Variants in CAB39 observed in about 807,000 individuals in gnomAD.
CAB39 encodes the protein calcium binding protein 39.
In CAB39, 8 loss-of-function variants were observed where a neutral mutation model predicts 40.0. The ratio of observed to expected loss-of-function variants is 0.20; its 90% CI spans 0.12 to 0.36. CAB39 has a LOEUF of 0.36. CAB39 is among the 10% of genes least tolerant of loss of function. CAB39 has a pLI of 1.00. For missense variants in CAB39, 270 were observed against 401.1 expected (o/e 0.67, Z 2.79); for synonymous variants, 156 against 141.6 (o/e 1.10, Z -0.72).
At chr2:230,738,384 C>G (rs921779204) in intron 1 of CAB39, among the ~76,000 whole-genome samples, 1 of 152,230 alleles carries the variant, frequency 6.6e-6, no homozygotes, top group Non-Finnish European at 1.5e-5. Context: ...TATATTTGAT[C>G]ATACCAGTCA....
At chr2:230,719,481 A>G (rs1694408246) in intron 1 of CAB39, among the ~76,000 whole-genome samples, 1 of 152,266 alleles carries the variant, frequency 6.6e-6, no homozygotes, top group South Asian at 2.1e-4. Context: ...AGCAGTAACC[A>G]CATTACAATC....
intron 1 of CAB39, among the ~76,000 whole-genome samples, chr2:230,750,905 T>G (rs1190351164): frequency 6.6e-6 from 1 of 152,198 alleles, no homozygotes. Flanking sequence ...CATAACAAAG[T>G]CAGGATTTGA....
At position 230,819,688 on chromosome 2, in the gene CAB39, T is replaced by G. The variant is rs1412465427; in HGVS notation, c.*984T>G. 6.6e-6 allele frequency: 1 copy of G among 152,322 alleles called. No individual in the cohort carries two copies. Among genetic ancestry groups the G allele is most frequent in the Non-Finnish European group, 1.5e-5 (1 of 68,038 alleles). The allele number at this position is 152,322 out of a possible 1,614,324, so 9.4% of individuals were successfully genotyped here. A position where few individuals can be genotyped will look rare whatever the true frequency, so the allele number is the denominator to read the frequency against. On this transcript the variant is annotated 3_prime_UTR_variant, in exon 9 of 9. Transcript: ENST00000258418. Reference sequence around the variant, plus strand: ...AAAGAAAAAGAAAGTAAACCAGTCCTTTGTATTCAGTTACCTAATGGGGTG... The same window carrying G: ...AAAGAAAAAGAAAGTAAACCAGTCCGTTGTATTCAGTTACCTAATGGGGTG...
intron 8 of CAB39, chr2:230,818,226 G>A: frequency 2.3e-6 from 1 of 443,190 alleles, no homozygotes; most frequent in East Asian, 3.9e-5. Context: ...CTTGTGCTGA[G>A]AAATAATTTC....
intron 1 of CAB39, among the ~76,000 whole-genome samples, chr2:230,737,284 C>T (rs1458150366): frequency 6.6e-6 from 1 of 152,142 alleles, no homozygotes; most frequent in Non-Finnish European, 1.5e-5. Context: ...AAGCCACTAT[C>T]AGAATCATGG....
intron 6 of CAB39, 36 bp from the exon 7 acceptor site, chr2:230,814,013 G>GTTTTTTTTTT: frequency 7.8e-6 from 1 of 128,488 alleles, no homozygotes; most frequent in South Asian, 2.2e-4. Flanking sequence ...TTTTTTTTTT[G>GTTTTTTTTTT]GCAATAACCC....
chr2:230,756,091 C>A (rs1048656925), intron 1 of CAB39, among the ~76,000 whole-genome samples: 1 of 152,196 alleles, frequency 6.6e-6, no homozygotes, highest in Non-Finnish European at 1.5e-5. Flanking sequence ...GGTGCCTTTG[C>A]TGTCACTTGA....
intron 1 of CAB39, among the ~76,000 whole-genome samples, chr2:230,716,527 G>A (rs1694352752): frequency 6.6e-6 from 1 of 152,058 alleles, no homozygotes; most frequent in African/African-American, 2.4e-5. Context: ...TACCTTTCTG[G>A]CATTGTTTCT....
intron 2 of CAB39, among the ~76,000 whole-genome samples, chr2:230,761,208 G>A (rs567677033): frequency 1.3e-5 from 2 of 152,144 alleles, no homozygotes; most frequent in South Asian, 2.1e-4. Context: ...TTTTAAATTT[G>A]CATTAAATGA....
In CAB39 at chr2:230,767,749, C is replaced by G. The variant is rs73093074; in HGVS notation, c.114+7634C>G. On this transcript the variant is annotated intron_variant, in intron 2 of 8. Transcript: ENST00000258418. The stretch of plus-strand genomic sequence containing the variant: ...GCAATGAGGCCCATGACTTTATGAT[C>G]TTGTCTCCTAATACTCTTCACCACA... Among the ~76,000 whole-genome samples the G allele has an allele frequency of 4.8e-3, 735 of 152,288 alleles. 5 individuals are homozygous for G. Among genetic ancestry groups the G allele is most frequent in the African/African-American group, 0.017 (689 of 41,558 alleles).
At chr2:230,796,239 T>G (rs565297522) in intron 4 of CAB39, among the ~76,000 whole-genome samples, 2 of 152,240 alleles carry the variant, frequency 1.3e-5, no homozygotes, top group Non-Finnish European at 2.9e-5. Flanking sequence ...TGTGATTATC[T>G]TCTTAGGCTG....
intron 1 of CAB39, among the ~76,000 whole-genome samples, chr2:230,731,621 G>T (rs992927360): frequency 6.6e-6 from 1 of 152,116 alleles, no homozygotes. Context: ...TCCCTCCTCA[G>T]CCTCTCAAGT....
intron 5 of CAB39, among the ~76,000 whole-genome samples, chr2:230,802,458 A>G (rs1228758960): frequency 5.9e-5 from 9 of 152,196 alleles, no homozygotes; most frequent in African/African-American, 2.2e-4. Context: ...TCAAAAAATC[A>G]GTGAATCCAG....
intron 1 of CAB39, chr2:230,725,438 T>TAAC (rs1694547982): frequency 6.5e-7 from 1 of 1,538,708 alleles, no homozygotes; most frequent in Admixed American, 1.7e-5. Context: ...TCAGTTCCCG[T>TAAC]AACGGTTCCT....
chr2:230,746,157 C>G (rs762731032), intron 1 of CAB39, among the ~76,000 whole-genome samples: 1 of 152,062 alleles, frequency 6.6e-6, no homozygotes, highest in Non-Finnish European at 1.5e-5. Flanking sequence ...CAAGTAAGTA[C>G]AAAAAGTAGA....
intron 2 of CAB39, among the ~76,000 whole-genome samples, chr2:230,789,426 C>T (rs561540669): frequency 7.0e-4 from 106 of 152,248 alleles, no homozygotes; most frequent in African/African-American, 1.7e-3. Flanking sequence ...GGTTTTGGTC[C>T]TTTCCAGGAT....
chr2:230,727,079 AGTAACT>A (rs1453720669), intron 1 of CAB39, among the ~76,000 whole-genome samples: 7 of 152,040 alleles, frequency 4.6e-5, no homozygotes, highest in African/African-American at 1.7e-4. Context: ...AAAGTGACCA[AGTAACT>A]GTAGACACTG....
At chr2:230,815,887 T>C (rs191441593) in intron 7 of CAB39, among the ~76,000 whole-genome samples, 30 of 151,856 alleles carry the variant, frequency 2.0e-4, no homozygotes, top group African/African-American at 7.2e-4. Context: ...TACTCTCTTT[T>C]TCGTAGCCAC....
chr2:230,743,561 G>T (rs1694920608), intron 1 of CAB39, among the ~76,000 whole-genome samples: 1 of 152,134 alleles, frequency 6.6e-6, no homozygotes, highest in African/African-American at 2.4e-5. Context: ...CATTAATATA[G>T]AAAATTTAAA....
Sources: gnomAD v4.1 joint callset for allele counts (sites outside exome capture counted in the v4.1 genomes callset) on GRCh38, gnomAD v4.1.1 for gene constraint, MANE v1.5 for transcripts, NCBI Gene and HGNC (gene_info 2026-07-23, HGNC 2026-07-21) for gene names.